The following B4GALT4 variants were observed in gnomAD, a reference collection of about 807,000 sequenced individuals.
The protein encoded by B4GALT4 is N-acetyllactosamine synthase.
B4GALT4 carries 27 observed loss-of-function variants against 37.3 expected under a neutral mutation model. That is an observed-to-expected ratio of 0.72 (90% CI 0.53 to 1.00). The LOEUF (loss-of-function observed/expected upper bound fraction) is 1.00, where lower values mean the gene tolerates loss of function less well. B4GALT4 is among the 50% of genes least tolerant of loss of function. The pLI is 0.00. For missense variants in B4GALT4, 372 were observed against 413.1 expected, an observed-to-expected ratio of 0.90 and a Z score of 0.86; for synonymous variants, 148 against 154.1, an observed-to-expected ratio of 0.96 and a Z score of 0.29.
At chr3:119,223,348 G>A (rs764616961) in intron 5 of B4GALT4, among the ~76,000 whole-genome samples, 2 of 152,236 alleles carry the variant, frequency 1.3e-5, no homozygotes, top group African/African-American at 2.4e-5. Context: ...AAGCTGACAG[G>A]TAAGTGTGCA....
intron 5 of B4GALT4, among the ~76,000 whole-genome samples, chr3:119,220,760 A>T (rs911528674): frequency 6.6e-6 from 1 of 152,150 alleles, no homozygotes; most frequent in Non-Finnish European, 1.5e-5. Flanking sequence ...GCCAAGGCGG[A>T]CGGATCAAGA....
intron 7 of B4GALT4, 164 bp from the exon 8 acceptor site, chr3:119,212,845 G>A: frequency 1.5e-6 from 1 of 659,502 alleles, no homozygotes; most frequent in Admixed American, 3.3e-5. Flanking sequence ...TGACAGACAT[G>A]ATAGCCATGT....
intron 1 of B4GALT4, among the ~76,000 whole-genome samples, chr3:119,239,613 G>A (rs970006318): frequency 1.4e-4 from 21 of 152,166 alleles, no homozygotes; most frequent in Non-Finnish European, 2.2e-4. Context: ...CCACAGAGCT[G>A]ATTTTATTGC....
intron 7 of B4GALT4, 142 bp downstream of exon 7, chr3:119,216,098 C>T: frequency 5.4e-6 from 3 of 554,314 alleles, no homozygotes; most frequent in Non-Finnish European, 8.7e-6. Context: ...ACTTTCTCTC[C>T]TTTTGTGTCT....
chr3:119,230,121 A>G lies in B4GALT4; in HGVS notation c.-22T>C. On this transcript the variant is annotated 5_prime_UTR_variant, in exon 3 of 8. Coordinates refer to ENST00000393765, the MANE Select transcript of B4GALT4 (RefSeq NM_003778.4). ...CCATGTTTTTTATTACGTGAATAAT[A>G]TCTATCTCTCTGCTTCACTGCAGGC... is the stretch of plus-strand genomic sequence containing the variant. 6.2e-7 allele frequency: 1 copy of G among 1,612,716 alleles called. No individual in the cohort carries two copies. Among genetic ancestry groups the G allele is most frequent in the South Asian group, 1.1e-5 (1 of 90,958 alleles).
chr3:119,229,894 G>C lies in B4GALT4; in HGVS notation c.206C>G (p.Thr69Arg). The C allele has an allele frequency of 6.2e-7, 1 of 1,614,134 alleles. No homozygotes were observed. Among genetic ancestry groups the C allele is most frequent in the South Asian group, 1.1e-5 (1 of 91,088 alleles). ...GCAGTTGTCAAGTTCTACCTTCTTCGTGGATGCTTCATTAGTCAGAGTTTT... is the reference window on the plus strand; with the variant it reads ...GCAGTTGTCAAGTTCTACCTTCTTCCTGGATGCTTCATTAGTCAGAGTTTT... ...KGKTLTNEAS[T>R]KKVELDNCPS... The change falls in exon 3 of 8, where the codon ACG becomes AGG. Residue 69 changes from threonine (T) to arginine (R), a missense_variant. Coordinates refer to ENST00000393765, the MANE Select transcript of B4GALT4 (RefSeq NM_003778.4).
rs371846348 is a variant in B4GALT4, at chr3:119,218,615, G to A, written c.797+35C>T. The A allele has an allele frequency of 2.9e-5, 47 of 1,613,816 alleles. No homozygotes were observed. In the Middle Eastern group the frequency reaches 6.7e-4, roughly 23 times the overall value. The stretch of plus-strand genomic sequence containing the variant: ...GGTCTCCAGAGCCACACTGAGTGCA[G>A]AGCCCCGTGAAGGGGACCTTTCTCT... On this transcript the variant is annotated intron_variant, in intron 6 of 7. Transcript: ENST00000393765.
intron 6 of B4GALT4, among the ~76,000 whole-genome samples, chr3:119,217,218 T>C (rs1430196158): frequency 6.6e-6 from 1 of 152,224 alleles, no homozygotes; most frequent in African/African-American, 2.4e-5. Flanking sequence ...CCCAGTGAAG[T>C]ACATTTAGGG....
At chr3:119,238,118 T>C (rs1397824765) in intron 1 of B4GALT4, among the ~76,000 whole-genome samples, 2 of 151,816 alleles carry the variant, frequency 1.3e-5, no homozygotes, top group Non-Finnish European at 2.9e-5. Flanking sequence ...AGTACAAAAA[T>C]TAGCTTGGCA....
rs1293221564 is a variant in B4GALT4 at position 119,225,545 on chromosome 3, T to C, written c.486+1264A>G. On this transcript the variant is annotated intron_variant, in intron 4 of 7. Coordinates refer to ENST00000393765, the MANE Select transcript of B4GALT4 (RefSeq NM_003778.4). ...CTGGGTAGCTGGGACTACAGGCATG[T>C]GCCACCACACCCAACTAATTTTTTT... Among the ~76,000 whole-genome samples, 10 of 150,038 alleles carry C rather than the reference T, an allele frequency of 6.7e-5. No individual in the cohort carries two copies. In the Admixed American group the frequency reaches 6.7e-4, roughly 10 times the overall value.
chr3:119,225,658 T>A (rs6774957), intron 4 of B4GALT4, among the ~76,000 whole-genome samples: 150,263 of 152,134 alleles, frequency 0.99, 74,238 homozygotes, highest in Middle Eastern at 1. Context: ...CAAACTCCTA[T>A]CCTCAAGTGA....
intron 5 of B4GALT4, among the ~76,000 whole-genome samples, chr3:119,219,435 G>C (rs2078385412): frequency 6.6e-6 from 1 of 152,258 alleles, no homozygotes; most frequent in Non-Finnish European, 1.5e-5. Context: ...TTGAAAGGAA[G>C]GACAGTGAAT....
chr3:119,229,796 T>C (rs778187476), intron 3 of B4GALT4, 51 bp downstream of exon 3: 1 of 1,581,910 alleles, frequency 6.3e-7, no homozygotes, highest in East Asian at 2.2e-5. Context: ...ATATTATACT[T>C]AAATAAAAAG....
chr3:119,235,826 AT>A (rs1252411840), intron 2 of B4GALT4, among the ~76,000 whole-genome samples: 1 of 152,242 alleles, frequency 6.6e-6, no homozygotes, highest in East Asian at 1.9e-4. Context: ...TAAAAAAAAA[AT>A]GATGGCACTG....
At chr3:119,233,602 C>A (rs1179291656) in intron 2 of B4GALT4, among the ~76,000 whole-genome samples, 2 of 151,986 alleles carry the variant, frequency 1.3e-5, no homozygotes, top group Admixed American at 6.6e-5. Context: ...TGAGGGATGA[C>A]TGTAATTTAA....
intron 5 of B4GALT4, among the ~76,000 whole-genome samples, chr3:119,219,985 G>A (rs1037474880): frequency 6.6e-6 from 1 of 152,138 alleles, no homozygotes; most frequent in Admixed American, 6.5e-5. Context: ...CAAAAGGAGT[G>A]ATCAATAAAC....
chr3:119,225,537 C>T (rs553983691), intron 4 of B4GALT4, among the ~76,000 whole-genome samples: 26 of 151,588 alleles, frequency 1.7e-4, no homozygotes, highest in Non-Finnish European at 2.8e-4. Flanking sequence ...GCTGGGACTA[C>T]AGGCATGTGC....
chr3:119,234,531 TTCTAAC>T (rs1165084111), intron 2 of B4GALT4, among the ~76,000 whole-genome samples: 2 of 152,250 alleles, frequency 1.3e-5, no homozygotes, highest in African/African-American at 4.8e-5. Context: ...GATTTTTACT[TTCTAAC>T]TCTGTAATTT....
chr3:119,216,102 T>C, intron 7 of B4GALT4, 138 bp downstream of exon 7: 1 of 565,924 alleles, frequency 1.8e-6, no homozygotes, highest in Non-Finnish European at 2.8e-6. Context: ...TCTCTCCTTT[T>C]GTGTCTGTTT....
Sources: allele counts gnomAD v4.1 joint callset (sites outside exome capture counted in the v4.1 genomes callset), GRCh38; gene constraint gnomAD v4.1.1; transcripts MANE v1.5; gene names NCBI Gene and HGNC (gene_info 2026-07-23, HGNC 2026-07-21).